Variants in DST observed in about 807,000 individuals in gnomAD.
DST encodes bullous pemphigoid antigen.
In DST, 253 loss-of-function variants were observed where a neutral mutation model predicts 875.2. The observed-to-expected ratio is 0.29, with a 90% CI of 0.26 to 0.32. DST has a LOEUF of 0.32. DST is among the 10% of genes least tolerant of loss of function. The pLI, the probability that DST is intolerant of heterozygous loss-of-function variation, is 1.00. For synonymous variants in DST, 3,124 were observed against 3,197.1 expected (o/e 0.98, Z 0.77); for missense variants, 8,287 against 9,111.6 (o/e 0.91, Z 3.68).
chr6:56,563,773 G>A (rs948480870), intron 55 of DST, among the ~76,000 whole-genome samples: 1 of 152,078 alleles, frequency 6.6e-6, no homozygotes, highest in Non-Finnish European at 1.5e-5. Flanking sequence ...GTAAGGAAGG[G>A]GTCCAGTTTC....
chr6:56,615,045 T>C (rs1356769393), intron 36 of DST: 30 of 1,002,790 alleles, frequency 3.0e-5, no homozygotes, highest in Non-Finnish European at 3.5e-5. Flanking sequence ...GCAAAACTTT[T>C]TCATTTTTTG....
At chr6:56,485,926 G>A (rs77505607) in intron 87 of DST, among the ~76,000 whole-genome samples, 2 of 151,972 alleles carry the variant, frequency 1.3e-5, no homozygotes, top group Non-Finnish European at 1.5e-5. Context: ...TTATAGACAC[G>A]CCCTGCCCCC....
At chr6:56,524,606 G>A (rs987188648) in intron 69 of DST, among the ~76,000 whole-genome samples, 1 of 152,068 alleles carries the variant, frequency 6.6e-6, no homozygotes, top group Non-Finnish European at 1.5e-5. Flanking sequence ...AAACATCTGT[G>A]TGTCTATGTA....
intron 37 of DST, among the ~76,000 whole-genome samples, chr6:56,612,367 T>TA (rs2098552764): frequency 6.6e-6 from 1 of 152,178 alleles, no homozygotes; most frequent in Non-Finnish European, 1.5e-5. Flanking sequence ...AGATCCTATC[T>TA]AAAAGAAACT....
intron 99 of DST, 34 bp from the exon 100 acceptor site, chr6:56,464,790 A>G: frequency 6.8e-7 from 1 of 1,468,240 alleles, no homozygotes; most frequent in South Asian, 1.2e-5. Flanking sequence ...CAATCACATT[A>G]AAGAATACTG....
intron 4 of DST, among the ~76,000 whole-genome samples, chr6:56,793,280 A>T (rs751829995): frequency 1.1e-4 from 17 of 152,074 alleles, no homozygotes; most frequent in Non-Finnish European, 8.8e-5. Flanking sequence ...TTATGTAAAG[A>T]GGATGTCCTT....
At chr6:56,661,491 C>A (rs372046468) in intron 10 of DST, among the ~76,000 whole-genome samples, 1 of 151,822 alleles carries the variant, frequency 6.6e-6, no homozygotes, top group Non-Finnish European at 1.5e-5. Flanking sequence ...TGGCAGCATG[C>A]GGGGGGAGGG....
At chr6:56,909,284 G>A (rs999195110) in intron 2 of DST, among the ~76,000 whole-genome samples, 5 of 152,138 alleles carry the variant, frequency 3.3e-5, no homozygotes, top group Non-Finnish European at 5.9e-5. Context: ...GCTAGGCTAC[G>A]TTTCCCAGCC....
At chr6:56,610,955 G>A (rs2098539448) in intron 38 of DST, among the ~76,000 whole-genome samples, 1 of 152,118 alleles carries the variant, frequency 6.6e-6, no homozygotes, top group South Asian at 2.1e-4. Context: ...AAATTTATAA[G>A]GGGATTAACC....
chr6:56,809,529 G>T (rs756653587), intron 4 of DST, among the ~76,000 whole-genome samples: 1 of 152,110 alleles, frequency 6.6e-6, no homozygotes, highest in African/African-American at 2.4e-5. Flanking sequence ...AGAAACCAAA[G>T]AAATTAGAGC....
At position 56,784,969 on chromosome 6, in the gene DST, G is replaced by T. The variant is rs528343820; in HGVS notation, c.626-49680C>A. Among the ~76,000 whole-genome samples the T allele has an allele frequency of 2.0e-5, 3 of 152,336 alleles. No homozygotes were observed. The South Asian group carries it at 6.2e-4, about 32-fold the overall frequency. On this transcript the variant is annotated intron_variant, in intron 4 of 103. Coordinates refer to ENST00000680361, the MANE Select transcript of DST (RefSeq NM_001374736.1). ...AGACAGGACCCTCAGCTGCAGGTCT[G>T]TTGGAATTTGCTAGAGGTCCACTCC...
chr6:56,634,486 T>G lies in DST; in HGVS notation c.3470A>C (p.Lys1157Thr), dbSNP rs1406265238. The change falls in exon 26 of 104, where the codon AAA becomes ACA. Residue 1157 changes from lysine to threonine, a missense_variant. Lys to Thr is a moderately conservative substitution (Grantham distance 78, BLOSUM62 -1). Around this residue, in one of 10 missense-constraint regions of DST, gnomAD observed 1,160 missense variants for 1,424.3 expected, o/e 0.81. Transcript: ENST00000680361. ...SVCFTVPPPN[K>T]EAVDLANRIE... ...CCTGTTGGCAAGGTCCACCGCTTCT[T>G]TGTTTGGTGGAGGAACGGTGAAGCA... 5 of 1,614,036 alleles carry G rather than the reference T, an allele frequency of 3.1e-6. No individual in the cohort carries two copies. In the Admixed American group the frequency reaches 6.7e-5, roughly 22 times the overall value.
intron 2 of DST, among the ~76,000 whole-genome samples, chr6:56,923,752 G>C (rs1805492493): frequency 6.6e-6 from 1 of 152,166 alleles, no homozygotes; most frequent in Admixed American, 6.5e-5. Context: ...GCCTTCATCT[G>C]ATTGGATGAG....
At chr6:56,465,904 G>T (rs1430830965) in intron 99 of DST, among the ~76,000 whole-genome samples, 174 bp downstream of exon 99, 1 of 148,832 alleles carries the variant, frequency 6.7e-6, no homozygotes, top group East Asian at 1.9e-4. Context: ...AAAATGAGAA[G>T]AATATGGTTT....
rs185282251 is a variant in DST, at chr6:56,590,275, T to C, written c.12903+1907A>G. Among the ~76,000 whole-genome samples, 194 of 152,286 alleles carry C rather than the reference T, an allele frequency of 1.3e-3. 2 individuals carry two copies. The highest frequency in any genetic ancestry group is 1.5e-4 in the Non-Finnish European group (10 of 68,012). On this transcript the variant is annotated intron_variant, in intron 49 of 103. Transcript: ENST00000680361. The stretch of plus-strand genomic sequence containing the variant: ...AAAATTTATCCACATATCTGTTTAA[T>C]TAAAAAACCATCACATTCTTTGGGT...
intron 4 of DST, among the ~76,000 whole-genome samples, chr6:56,753,043 G>A (rs113166550): frequency 0.015 from 2,226 of 152,044 alleles, 47 homozygotes; most frequent in African/African-American, 0.051. Flanking sequence ...CACCCGCCTC[G>A]GCCTCCCAAA....
At chr6:56,562,565 GTTT>G (rs977514880) in intron 55 of DST, among the ~76,000 whole-genome samples, 1 of 149,392 alleles carries the variant, frequency 6.7e-6, no homozygotes, top group African/African-American at 2.5e-5. Flanking sequence ...TGGAGCTTTA[GTTT>G]TTTTTTAATT....
At chr6:56,791,125 A>G (rs2099721889) in intron 4 of DST, among the ~76,000 whole-genome samples, 1 of 152,210 alleles carries the variant, frequency 6.6e-6, no homozygotes, top group Non-Finnish European at 1.5e-5. Context: ...CCTTACACGA[A>G]TCCTTTATCC....
intron 82 of DST, among the ~76,000 whole-genome samples, chr6:56,495,830 G>A (rs1408202481): frequency 6.6e-6 from 1 of 152,068 alleles, no homozygotes; most frequent in East Asian, 1.9e-4. Context: ...TTAAACTACT[G>A]ATGGTGATTG....
Sources: gnomAD v4.1 joint callset for allele counts (sites outside exome capture counted in the v4.1 genomes callset) on GRCh38, gnomAD v4.1.1 for gene constraint, gnomAD v4.1.1 regional missense constraint, MANE v1.5 for transcripts, NCBI Gene and HGNC (gene_info 2026-07-23, HGNC 2026-07-21) for gene names.